The following TEAD4 variants were observed in gnomAD, a reference collection of about 807,000 sequenced individuals.
TEAD4 encodes the protein transcriptional enhancer factor TEF-3.
Under a neutral mutation model 52.4 loss-of-function variants are expected in TEAD4, and 36 were observed. The ratio of observed to expected loss-of-function variants is 0.69; its 90% CI spans 0.53 to 0.91. The LOEUF is 0.91. Ranked by LOEUF, TEAD4 falls within the 40% of genes least tolerant of loss-of-function variation. The pLI is 0.00. For synonymous variants in TEAD4, 220 were observed against 231.0 expected, an observed-to-expected ratio of 0.95 and a Z score of 0.43; for missense variants, 508 against 583.9, an observed-to-expected ratio of 0.87 and a Z score of 1.34.
At chr12:2,981,351 C>T (rs567995588) in intron 2 of TEAD4, among the ~76,000 whole-genome samples, 2 of 152,360 alleles carry the variant, frequency 1.3e-5, no homozygotes, top group Admixed American at 1.3e-4. Context: ...TCTTCCAGCT[C>T]CTGAGTTTCC....
intron 2 of TEAD4, among the ~76,000 whole-genome samples, chr12:2,975,651 G>C (rs2098229023): frequency 6.6e-6 from 1 of 152,024 alleles, no homozygotes; most frequent in Non-Finnish European, 1.5e-5. Context: ...GCCTCCCAAA[G>C]TGCTGGGATT....
At chr12:2,968,613 A>G in intron 2 of TEAD4, among the ~76,000 whole-genome samples, 1 of 151,420 alleles carries the variant, frequency 6.6e-6, no homozygotes, top group South Asian at 2.1e-4. Context: ...TCATAGAGAC[A>G]GGATCTTGCT....
In TEAD4 at chr12:2,997,687, C is replaced by T. The variant is rs149280941; in HGVS notation, c.226+2695C>T. Among the ~76,000 whole-genome samples, 187 of 150,460 alleles carry T rather than the reference C, an allele frequency of 1.2e-3. 4 individuals carry two copies. The East Asian group carries it at 0.022, about 18-fold the overall frequency. On this transcript the variant is annotated intron_variant, in intron 3 of 12. Transcript: ENST00000359864. Reference sequence around the variant, plus strand: ...TGAGGCATCCAGCAAGGGGCAAGGGCGGAGGGCGCTGTGGGTGTCTGGGAG... The same window carrying T: ...TGAGGCATCCAGCAAGGGGCAAGGGTGGAGGGCGCTGTGGGTGTCTGGGAG...
intron 12 of TEAD4, 48 bp downstream of exon 12, chr12:3,040,307 C>T: frequency 6.2e-7 from 1 of 1,613,918 alleles, no homozygotes; most frequent in South Asian, 1.1e-5. Context: ...GTGTGGGTAG[C>T]AGCCATGGCA....
intron 2 of TEAD4, among the ~76,000 whole-genome samples, chr12:2,984,773 CAT>C (rs1056679381): frequency 3.9e-5 from 6 of 152,138 alleles, no homozygotes; most frequent in African/African-American, 1.4e-4. Context: ...CATTCCTAAA[CAT>C]AGAAAAGGTA....
intron 2 of TEAD4, among the ~76,000 whole-genome samples, chr12:2,966,569 C>T (rs559663334): frequency 2.0e-5 from 3 of 151,618 alleles, no homozygotes; most frequent in Admixed American, 6.6e-5. Flanking sequence ...CGCCACCATG[C>T]CCAGCTAATT....
At chr12:2,963,822 C>A (rs1040662839) in intron 2 of TEAD4, among the ~76,000 whole-genome samples, 1 of 152,164 alleles carries the variant, frequency 6.6e-6, no homozygotes, top group Admixed American at 6.5e-5. Flanking sequence ...AGGGGGGCTC[C>A]TGGAAGGGCC....
chr12:2,994,663 C>T lies in TEAD4; in HGVS notation c.-29-75C>T. On this transcript the variant is annotated intron_variant, in intron 2 of 12. Transcript: ENST00000359864. This position sits in a 1 kb window ranked among gnomAD's most constrained non-coding sequence, Gnocchi z 4.7. ...AGCAACTGATTCGGGCTCTGGCACT[C>T]CCCGGAGTGCCTTCATCCCGTGGCC... 1.4e-6 allele frequency: 2 copies of T among 1,462,410 alleles called. No homozygotes were observed. The highest frequency in any genetic ancestry group is 1.8e-6 in the Non-Finnish European group (2 of 1,112,662). 90.6% of individuals were successfully genotyped at this position (1,462,410 alleles called of 1,614,324 possible). A position where few individuals can be genotyped will look rare whatever the true frequency, so the allele number is the denominator to read the frequency against.
At chr12:2,972,497 T>TA (rs1466526077) in intron 2 of TEAD4, among the ~76,000 whole-genome samples, 11 of 138,324 alleles carry the variant, frequency 8.0e-5, no homozygotes, top group Non-Finnish European at 3.2e-5. Context: ...GTCTCTTTTT[T>TA]TTTTTTTTTT....
At chr12:3,003,641 C>T (rs1250073827) in intron 3 of TEAD4, among the ~76,000 whole-genome samples, 4 of 152,146 alleles carry the variant, frequency 2.6e-5, no homozygotes, top group East Asian at 1.9e-4. Context: ...CCTTCGCCCC[C>T]GGTGGGGTGG....
rs774594439 is a variant in TEAD4 at position 3,010,986 on chromosome 12, C to T, written c.227-18C>T. 4 of 1,613,904 alleles carry T rather than the reference C, an allele frequency of 2.5e-6. No homozygotes were observed. In the Admixed American group the frequency reaches 6.7e-5, roughly 27 times the overall value. ...TTTTGTCCTTCTCTCCACTGAGAGG[C>T]TGCTGGTGTCTCTGCAGGTCGGAAC... On this transcript the variant is annotated intron_variant, in intron 3 of 12. Transcript: ENST00000359864.
At chr12:2,995,094 T>G in intron 3 of TEAD4, 102 bp downstream of exon 3, 1 of 1,406,372 alleles carries the variant, frequency 7.1e-7, no homozygotes. Context: ...GATGACCACT[T>G]GGGGCTTTGT....
intron 10 of TEAD4, among the ~76,000 whole-genome samples, chr12:3,033,195 C>T (rs545756558): frequency 3.3e-5 from 5 of 152,222 alleles, no homozygotes; most frequent in Admixed American, 6.5e-5. Context: ...CCTGCCTGTC[C>T]CCTGAGTTAC....
chr12:2,983,576 G>C (rs2098235803), intron 2 of TEAD4, among the ~76,000 whole-genome samples: 1 of 152,186 alleles, frequency 6.6e-6, no homozygotes, highest in South Asian at 2.1e-4. Flanking sequence ...GTTGGTGGTA[G>C]AACTGGAACC....
chr12:3,021,295 A>G (rs1386525510), intron 9 of TEAD4, among the ~76,000 whole-genome samples: 1 of 142,272 alleles, frequency 7.0e-6, no homozygotes, highest in Non-Finnish European at 1.5e-5. Flanking sequence ...TCACTCTGAC[A>G]TCTTCAAACT....
chr12:2,992,153 G>A (rs1242996110), intron 2 of TEAD4, among the ~76,000 whole-genome samples: 2 of 151,598 alleles, frequency 1.3e-5, no homozygotes, highest in South Asian at 4.2e-4. Context: ...TGAGTAGCTG[G>A]GATTACAGGC....
intron 2 of TEAD4, among the ~76,000 whole-genome samples, chr12:2,975,847 C>T (rs1029752104): frequency 6.6e-6 from 1 of 152,196 alleles, no homozygotes; most frequent in Admixed American, 6.5e-5. Context: ...ATTCATCCCT[C>T]CTTCCCACTT....
chr12:3,004,990 G>A (rs1475253723), intron 3 of TEAD4, among the ~76,000 whole-genome samples: 3 of 152,218 alleles, frequency 2.0e-5, no homozygotes, highest in East Asian at 3.9e-4. Flanking sequence ...AGCACAACGA[G>A]GCTGGAGGGT....
At chr12:3,020,879 C>T in intron 9 of TEAD4, 106 bp downstream of exon 9, 1 of 1,282,016 alleles carries the variant, frequency 7.8e-7, no homozygotes, top group Non-Finnish European at 1.0e-6. Flanking sequence ...ATTCAAGTTC[C>T]CTGTTCCTTT....
Sources: gnomAD v4.1 joint callset for allele counts (sites outside exome capture counted in the v4.1 genomes callset) on GRCh38, gnomAD v4.1.1 for gene constraint, Gnocchi (gnomAD v3.1) non-coding constraint, MANE v1.5 for transcripts, NCBI Gene and HGNC (gene_info 2026-07-23, HGNC 2026-07-21) for gene names.